Variants in KDM4F observed in about 807,000 individuals in gnomAD.
KDM4F encodes the protein lysine demethylase 4F.
For synonymous variants in KDM4F, 223 were observed against 184.4 expected (o/e 1.21, Z -1.70); for missense variants, 586 against 496.4 (o/e 1.18, Z -1.71).
At chr11:95,050,067 C>T (rs953782569) in exon 1 of KDM4F, 3 of 1,601,620 alleles carry the variant, frequency 1.9e-6, no homozygotes, top group Non-Finnish European at 2.6e-6. Flanking sequence ...GCCCCCAGAA[C>T]ATGGTCAGCG....
chr11:95,050,218 G>A, exon 1 of KDM4F: 2 of 1,558,082 alleles, frequency 1.3e-6, no homozygotes, highest in Non-Finnish European at 1.8e-6. Flanking sequence ...CAGGAGGCTG[G>A]GGAGTTCATG....
chr11:95,050,412 G>A, exon 1 of KDM4F: 1 of 865,640 alleles, frequency 1.2e-6, no homozygotes, highest in Non-Finnish European at 2.0e-6. Flanking sequence ...CGAGAGCTAT[G>A]AGCTCTGGAA....
At position 95,049,751 on chromosome 11, in the gene KDM4F, G is replaced by A. The variant is rs574124976; in HGVS notation, c.330G>A (p.Pro110=). 2.5e-4 allele frequency: 409 copies of A among 1,604,860 alleles called. 3 individuals are homozygous for A. The African/African-American group carries it at 4.7e-3, about 18-fold the overall frequency. ...CAAACAGTAAAAAATATCAGACTCC[G>A]CCACACCAGAATTTTGCAGATTTGG... Residue 110 remains proline, a synonymous_variant, in exon 1 of 1, where the codon CCG becomes CCA. Transcript: ENST00000545950.
At chr11:95,049,619 C>T (rs1565432637) in exon 1 of KDM4F, 1 of 1,599,452 alleles carries the variant, frequency 6.3e-7, no homozygotes, top group Non-Finnish European at 8.5e-7. Flanking sequence ...TTGAAGACAT[C>T]TTAATAGCCA....
At chr11:95,050,003 C>T in exon 1 of KDM4F, 1 of 1,614,144 alleles carries the variant, frequency 6.2e-7, no homozygotes, top group Non-Finnish European at 8.5e-7. Flanking sequence ...AGGACATGGA[C>T]CTTTACAGCA....
exon 1 of KDM4F, chr11:95,049,640 G>A (rs1434962527): frequency 6.9e-6 from 11 of 1,599,046 alleles, no homozygotes; most frequent in Admixed American, 1.7e-5. Flanking sequence ...CTCCCCTCCA[G>A]CAGGTGACCT....
At chr11:95,050,339 G>GCTACAC in exon 1 of KDM4F, 6 of 1,229,326 alleles carry the variant, frequency 4.9e-6, no homozygotes, top group Non-Finnish European at 4.8e-6. Context: ...TGGCTTCACA[G>GCTACAC]TGTAGCTGTG....
chr11:95,049,721 C>G (rs1302747481), exon 1 of KDM4F: 105 of 1,605,582 alleles, frequency 6.5e-5, no homozygotes, highest in Non-Finnish European at 8.7e-5. Flanking sequence ...AGTATCGCCA[C>G]TTGGCAAACA....
chr11:95,050,517 A>C (rs1858500686), exon 1 of KDM4F: 1 of 708,038 alleles, frequency 1.4e-6, no homozygotes, highest in East Asian at 2.7e-5. Flanking sequence ...AGCACTTAGG[A>C]GAGCTGCTCT....
At chr11:95,051,245 G>C in exon 1 of KDM4F, 1 of 398,784 alleles carries the variant, frequency 2.5e-6, no homozygotes, top group Non-Finnish European at 4.4e-6. Context: ...AAGCCAGACA[G>C]AGATACGCCA....
chr11:95,049,545 C>T, the KDM4F span: 39 of 1,595,198 alleles, frequency 2.4e-5, 1 homozygote, highest in South Asian at 3.9e-4. Flanking sequence ...AGGCGCACAC[C>T]GAGCTGGCCT....
exon 1 of KDM4F, chr11:95,050,962 G>T (rs1858505679): frequency 2.1e-6 from 1 of 476,730 alleles, no homozygotes; most frequent in Admixed American, 3.6e-5. Flanking sequence ...CAACCCCTGG[G>T]GCCCCCACTG....
exon 1 of KDM4F, chr11:95,050,144 C>T: frequency 1.3e-6 from 2 of 1,549,072 alleles, no homozygotes; most frequent in South Asian, 2.2e-5. Flanking sequence ...TCCTGCGGCA[C>T]AAGGTGGCCC....
rs1189173431 is a variant in KDM4F at position 95,049,778 on chromosome 11, G to A, written c.357G>A (p.Glu119=). 2.5e-6 allele frequency: 4 copies of A among 1,601,842 alleles called. No homozygotes were observed. The African/African-American group carries it at 5.4e-5, about 21-fold the overall frequency. ...CACACCAGAATTTTGCAGATTTGGAGCAACGATACTGGAAGAGCCACCCCG... is the reference window on the plus strand; with the variant it reads ...CACACCAGAATTTTGCAGATTTGGAACAACGATACTGGAAGAGCCACCCCG... Residue 119 remains glutamate (E), a synonymous_variant, in exon 1 of 1, where the codon GAG becomes GAA. Coordinates refer to ENST00000545950, the Ensembl canonical transcript of KDM4F.
At chr11:95,050,076 C>G in exon 1 of KDM4F, 1 of 1,599,194 alleles carries the variant, frequency 6.3e-7, no homozygotes, top group Non-Finnish European at 8.6e-7. Flanking sequence ...ACATGGTCAG[C>G]GCCTGGAATG....
the KDM4F span, chr11:95,051,310 C>CT: frequency 2.8e-5 from 11 of 398,526 alleles, no homozygotes; most frequent in Non-Finnish European, 4.4e-5. Context: ...GACCCATGGC[C>CT]ATTGAATATG....
chr11:95,050,264 T>C, exon 1 of KDM4F: 1 of 1,529,408 alleles, frequency 6.5e-7, no homozygotes, highest in Non-Finnish European at 9.1e-7. Flanking sequence ...CTGGCTTCAA[T>C]CACGGCTTCA....
rs373621393 is a variant in KDM4F at position 95,049,873 on chromosome 11, T to C, written c.452T>C (p.Leu151Pro). The C allele has an allele frequency of 3.6e-4, 580 of 1,609,098 alleles. 5 individuals are homozygous for C. In the East Asian group the frequency reaches 7.3e-3, roughly 20 times the overall value. The change falls in exon 1 of 1, where the codon CTA becomes CCA. Residue 151 changes from leucine to proline, a missense_variant. Physicochemically the swap from Leu to Pro is moderately conservative, Grantham distance 98. Coordinates refer to ENST00000545950, the Ensembl canonical transcript of KDM4F. Reference sequence around the variant, plus strand: ...GAAGAAAGCACTAAACAATGGAACCTAGGACACCTGGGAACAATTCTGGAC... The same window carrying C: ...GAAGAAAGCACTAAACAATGGAACCCAGGACACCTGGGAACAATTCTGGAC...
exon 1 of KDM4F, chr11:95,051,338 A>T (rs797029792): frequency 2.0e-5 from 8 of 398,618 alleles, no homozygotes; most frequent in African/African-American, 1.6e-4. Context: ...ATGTCAAGTG[A>T]TATCTACTTC....
Sources: allele counts gnomAD v4.1 joint callset, GRCh38; gene constraint gnomAD v4.1.1; transcripts MANE v1.5; gene names NCBI Gene and HGNC (gene_info 2026-07-23, HGNC 2026-07-21).